The following GALNT13 variants were observed in gnomAD, a reference collection of about 807,000 sequenced individuals.
The protein encoded by GALNT13 is UDP-GalNAc:polypeptide N-acetylgalactosaminyltransferase 13.
Under a neutral mutation model 64.2 loss-of-function variants are expected in GALNT13, and 28 were observed. That is an observed-to-expected ratio of 0.44 (90% CI 0.32 to 0.60). GALNT13 has a LOEUF of 0.60. GALNT13 is among the 20% of genes least tolerant of loss of function. GALNT13 has a pLI of 0.05. For synonymous variants in GALNT13, 214 were observed against 224.6 expected, an observed-to-expected ratio of 0.95 and a Z score of 0.42; for missense variants, 577 against 669.8, an observed-to-expected ratio of 0.86 and a Z score of 1.53.
At chr2:153,927,585 G>A (rs1010196814) in intron 2 of GALNT13, among the ~76,000 whole-genome samples, 8 of 151,798 alleles carry the variant, frequency 5.3e-5, no homozygotes, top group Non-Finnish European at 7.4e-5. Flanking sequence ...AGTTTTCTTT[G>A]CTAATAAGAA....
chr2:153,441,804 T>C, the GALNT13 span, among the ~76,000 whole-genome samples: 1 of 152,224 alleles, frequency 6.6e-6, no homozygotes, highest in Non-Finnish European at 1.5e-5. Context: ...TTTTGTATCC[T>C]GAGACTTTGC....
At chr2:153,950,827 A>G (rs1442564045) in intron 3 of GALNT13, among the ~76,000 whole-genome samples, 1 of 152,066 alleles carries the variant, frequency 6.6e-6, no homozygotes, top group East Asian at 1.9e-4. Flanking sequence ...TACTATGTTC[A>G]CAGCCTGTGT....
intron 3 of GALNT13, among the ~76,000 whole-genome samples, chr2:154,008,323 C>A (rs909204196): frequency 6.6e-6 from 1 of 152,150 alleles, no homozygotes; most frequent in Non-Finnish European, 1.5e-5. Flanking sequence ...TTTGGGTTAT[C>A]CATTATCTTG....
At chr2:153,628,382 G>A in the GALNT13 span, among the ~76,000 whole-genome samples, 6 of 152,198 alleles carry the variant, frequency 3.9e-5, no homozygotes, top group East Asian at 1.2e-3. Context: ...CCAACACTAT[G>A]TTGAATAGGA....
the GALNT13 span, among the ~76,000 whole-genome samples, chr2:153,755,503 A>G: frequency 6.6e-6 from 1 of 152,020 alleles, no homozygotes; most frequent in African/African-American, 2.4e-5. Flanking sequence ...ATGATTAGTG[A>G]TGTTGAGCAT....
At chr2:153,527,922 C>T in the GALNT13 span, among the ~76,000 whole-genome samples, 1 of 151,762 alleles carries the variant, frequency 6.6e-6, no homozygotes, top group Non-Finnish European at 1.5e-5. Context: ...AAAGAACATA[C>T]AGTGAATACA....
chr2:153,339,678 A>G, the GALNT13 span, among the ~76,000 whole-genome samples: 1 of 152,202 alleles, frequency 6.6e-6, no homozygotes, highest in Non-Finnish European at 1.5e-5. Context: ...TATCCAAAAA[A>G]TTCATTGCCT....
At chr2:154,025,659 T>C (rs777850000) in intron 3 of GALNT13, among the ~76,000 whole-genome samples, 2 of 152,248 alleles carry the variant, frequency 1.3e-5, no homozygotes, top group Non-Finnish European at 2.9e-5. Flanking sequence ...ATTTTTTATT[T>C]CTTCATTTAG....
chr2:153,598,954 G>A, the GALNT13 span, among the ~76,000 whole-genome samples: 1 of 151,956 alleles, frequency 6.6e-6, no homozygotes, highest in Non-Finnish European at 1.5e-5. Flanking sequence ...TCAGTTTTGT[G>A]TCTTCCTTTT....
At chr2:153,732,510 AC>A in the GALNT13 span, among the ~76,000 whole-genome samples, 2 of 152,020 alleles carry the variant, frequency 1.3e-5, no homozygotes, top group Middle Eastern at 3.2e-3. Flanking sequence ...TAGTTTTTGT[AC>A]TGTAATATAA....
intron 3 of GALNT13, among the ~76,000 whole-genome samples, chr2:153,960,615 A>G (rs1369594486): frequency 6.6e-6 from 1 of 152,170 alleles, no homozygotes; most frequent in South Asian, 2.1e-4. Context: ...GGTCATTGCC[A>G]TGGAAAGGGT....
the GALNT13 span, among the ~76,000 whole-genome samples, chr2:153,630,815 T>A: frequency 7.5e-3 from 583 of 77,424 alleles, 1 homozygote; most frequent in Non-Finnish European, 0.011. Flanking sequence ...ATATTTTTTT[T>A]TTTTTTTTTA....
chr2:154,033,651 T>C (rs1020250091), intron 3 of GALNT13, among the ~76,000 whole-genome samples: 1 of 152,010 alleles, frequency 6.6e-6, no homozygotes, highest in Admixed American at 6.6e-5. Context: ...TTATAAAAAC[T>C]GAAAGGGGCC....
chr2:153,631,361 T>G, the GALNT13 span, among the ~76,000 whole-genome samples: 1 of 152,200 alleles, frequency 6.6e-6, no homozygotes, highest in African/African-American at 2.4e-5. Flanking sequence ...GTATTTCTAG[T>G]TCTAGATCTG....
the GALNT13 span, among the ~76,000 whole-genome samples, chr2:153,728,446 T>G: frequency 4.6e-5 from 7 of 152,152 alleles, no homozygotes; most frequent in African/African-American, 1.7e-4. Flanking sequence ...TTGAAACCAA[T>G]GAGAACAAAG....
At chr2:153,523,868 G>GT in the GALNT13 span, among the ~76,000 whole-genome samples, 1 of 152,122 alleles carries the variant, frequency 6.6e-6, no homozygotes, top group East Asian at 1.9e-4. Context: ...AGATGACCTT[G>GT]TTCCTAATCT....
At chr2:153,707,017 G>A in the GALNT13 span, among the ~76,000 whole-genome samples, 241 of 152,182 alleles carry the variant, frequency 1.6e-3, 7 homozygotes, top group Non-Finnish European at 6.2e-4. Context: ...TAAGACTCAC[G>A]AGATCTGATG....
chr2:153,184,394 T>C, the GALNT13 span, among the ~76,000 whole-genome samples: 1 of 152,210 alleles, frequency 6.6e-6, no homozygotes. Context: ...ATTTTGTAGA[T>C]ATAGGATTAT....
chr2:153,600,329 C>A, the GALNT13 span, among the ~76,000 whole-genome samples: 2 of 151,710 alleles, frequency 1.3e-5, no homozygotes, highest in Non-Finnish European at 2.9e-5. Context: ...CAAAACCCAA[C>A]TCTACCTTTT....
Sources: allele counts gnomAD v4.1 joint callset (sites outside exome capture counted in the v4.1 genomes callset), GRCh38; gene constraint gnomAD v4.1.1; transcripts MANE v1.5; gene names NCBI Gene and HGNC (gene_info 2026-07-23, HGNC 2026-07-21).